Variants in GATC observed in about 807,000 individuals in gnomAD.
GATC encodes glutamyl-tRNA(Gln) amidotransferase subunit C, mitochondrial.
Under a neutral mutation model 14.4 loss-of-function variants are expected in GATC, and 11 were observed. That is an observed-to-expected ratio of 0.77 (90% CI 0.48 to 1.27). The LOEUF is 1.27. Among genes scored for constraint, GATC ranks in the 50% most tolerant of loss-of-function variants. The probability of loss-of-function intolerance (pLI) is 0.00; values close to 1 mark genes in which losing one functional copy is unlikely to be tolerated. For missense variants in GATC, 204 were observed against 183.0 expected, an observed-to-expected ratio of 1.11 and a Z score of -0.66; for synonymous variants, 76 against 79.3, an observed-to-expected ratio of 0.96 and a Z score of 0.22.
At chr12:120,456,971 C>A in intron 2 of GATC, 105 bp from the exon 3 acceptor site, 1 of 737,910 alleles carries the variant, frequency 1.4e-6, no homozygotes, top group South Asian at 1.6e-5. Flanking sequence ...TGCCCATTAA[C>A]TCAAGAATAT....
intron 2 of GATC, among the ~76,000 whole-genome samples, chr12:120,455,694 CTT>C (rs977712544): frequency 2.0e-5 from 3 of 151,020 alleles, no homozygotes; most frequent in South Asian, 2.1e-4. Flanking sequence ...ACTTAGTTCT[CTT>C]TTTTTTTGAG....
intron 2 of GATC, among the ~76,000 whole-genome samples, chr12:120,447,278 C>G (rs1877902366): frequency 6.6e-6 from 1 of 151,942 alleles, no homozygotes; most frequent in African/African-American, 2.4e-5. Flanking sequence ...GTGGTTTCAC[C>G]ATCTTGGCCA....
chr12:120,446,497 T>C lies in GATC; in HGVS notation c.17T>C (p.Val6Ala), dbSNP rs557491914. 6.2e-7 allele frequency: 1 copy of C among 1,607,466 alleles called. No homozygotes were observed. Among genetic ancestry groups the C allele is most frequent in the African/African-American group, 1.3e-5 (1 of 74,948 alleles). MWSRLVWLGLRAPLGG... is the reference protein window; with the variant it reads MWSRLAWLGLRAPLGG... ...AAGGAAGAAATGTGGTCGCGGTTGG[T>C]GTGGCTGGGCCTTCGGGCCCCTCTG... Residue 6 changes from valine (V) to alanine (A), a missense_variant, in exon 1 of 4, where the codon GTG becomes GCG. Physicochemically the swap from Val to Ala is moderately conservative, Grantham distance 64 (BLOSUM62 0). Coordinates refer to ENST00000551765, the MANE Select transcript of GATC (RefSeq NM_176818.3).
Position 120,460,671 on chromosome 12 carries a change from A to G in GATC, c.*712A>G, listed in dbSNP as rs1878310500. On this transcript the variant is annotated 3_prime_UTR_variant, in exon 4 of 4. Transcript: ENST00000551765. ...ATGATTATTAAATTGAGATGAGTCC[A>G]GGATAAAACTCAGATACCAAGGATA... The G allele has an allele frequency of 6.6e-6, 1 of 152,220 alleles. No individual in the cohort carries two copies. The highest frequency in any genetic ancestry group is 2.4e-5 in the African/African-American group (1 of 41,456). 9.4% of individuals were successfully genotyped at this position (152,220 alleles called of 1,614,324 possible). A position where few individuals can be genotyped will look rare whatever the true frequency, so the allele number is the denominator to read the frequency against.
intron 2 of GATC, among the ~76,000 whole-genome samples, chr12:120,452,167 G>C (rs538803190): frequency 6.6e-6 from 1 of 151,296 alleles, no homozygotes; most frequent in Non-Finnish European, 1.5e-5. Context: ...ATGAGCCACC[G>C]TGCCCGGCCT....
intron 2 of GATC, chr12:120,454,805 TTTAC>T (rs1437633406): frequency 5.4e-6 from 1 of 183,606 alleles, no homozygotes; most frequent in African/African-American, 2.4e-5. Flanking sequence ...TGATTTTTAT[TTTAC>T]TTTTGTTCTC....
At chr12:120,446,892 C>A in intron 2 of GATC, 63 bp downstream of exon 2, 1 of 1,471,246 alleles carries the variant, frequency 6.8e-7, no homozygotes. Context: ...TTTAATGTGA[C>A]GATTAGCGAA....
intron 2 of GATC, among the ~76,000 whole-genome samples, chr12:120,447,939 G>C (rs964757288): frequency 6.6e-6 from 1 of 151,838 alleles, no homozygotes; most frequent in African/African-American, 2.4e-5. Context: ...ATTTTTGATA[G>C]AGACGGGATT....
At position 120,463,720 on chromosome 12, in the gene GATC, T is replaced by TA; in HGVS notation, c.*3762dup. On this transcript the variant is annotated 3_prime_UTR_variant, in exon 4 of 4. Coordinates refer to ENST00000551765, the MANE Select transcript of GATC (RefSeq NM_176818.3). ...ACCAAACTGTGTAATGTGATACTAA[T>TA]ATGCAGAATAAAGCATATTAAAAAA... 1 of 448,358 alleles carries TA rather than the reference T, an allele frequency of 2.2e-6. No individual in the cohort carries two copies. The allele number at this position is 448,358 out of a possible 1,614,324, so 27.8% of individuals were successfully genotyped here.
chr12:120,455,473 T>C (rs1022343166), intron 2 of GATC, among the ~76,000 whole-genome samples: 5 of 151,598 alleles, frequency 3.3e-5, no homozygotes, highest in African/African-American at 1.2e-4. Flanking sequence ...CTGGCCTTTC[T>C]CCCCCACACC....
chr12:120,462,327 G>A lies in GATC; in HGVS notation c.*2368G>A. 1 of 601,904 alleles carries A rather than the reference G, an allele frequency of 1.7e-6. No homozygotes were observed. Among genetic ancestry groups the A allele is most frequent in the East Asian group, 3.2e-5 (1 of 31,148 alleles). The allele number at this position is 601,904 out of a possible 1,614,324, so 37.3% of individuals were successfully genotyped here. On this transcript the variant is annotated 3_prime_UTR_variant, in exon 4 of 4. Coordinates refer to ENST00000551765, the MANE Select transcript of GATC (RefSeq NM_176818.3). ...AAACCTTCATAACATTATGAGGTAG[G>A]TACTCTTACTATCCCATTTCAAGAA... is the stretch of plus-strand genomic sequence containing the variant.
At chr12:120,458,503 C>T (rs1286061882) in intron 3 of GATC, among the ~76,000 whole-genome samples, 1 of 152,236 alleles carries the variant, frequency 6.6e-6, no homozygotes, top group Admixed American at 6.5e-5. Context: ...TTTACAACAG[C>T]TGGTATAGAG....
intron 2 of GATC, 88 bp downstream of exon 2, chr12:120,446,917 GT>G: frequency 7.7e-7 from 1 of 1,292,542 alleles, no homozygotes; most frequent in Non-Finnish European, 1.1e-6. Context: ...TTTCCAGGGG[GT>G]TAAAGAGTGT....
intron 2 of GATC, among the ~76,000 whole-genome samples, chr12:120,451,019 C>A (rs1878027681): frequency 6.6e-6 from 1 of 150,854 alleles, no homozygotes; most frequent in Non-Finnish European, 1.5e-5. Context: ...TGGTGCATGC[C>A]TGTAATCCCG....
chr12:120,455,779 G>A (rs530761083), intron 2 of GATC, among the ~76,000 whole-genome samples: 19 of 152,050 alleles, frequency 1.2e-4, no homozygotes, highest in East Asian at 9.7e-4. Context: ...TCCGCCTCCC[G>A]GGTTCACGCC....
chr12:120,460,117 G>C lies in GATC; in HGVS notation c.*158G>C. 1 of 562,502 alleles carries C rather than the reference G, an allele frequency of 1.8e-6. No individual in the cohort carries two copies. Among genetic ancestry groups the C allele is most frequent in the Non-Finnish European group, 3.2e-6 (1 of 310,032 alleles). The allele number at this position is 562,502 out of a possible 1,614,324, so 34.8% of individuals were successfully genotyped here. ...ACAGATTCTTCTGAAGACAGAATTG[G>C]GAAAGATCTGGCCCCAACAAGGCAG... On this transcript the variant is annotated 3_prime_UTR_variant, in exon 4 of 4. Transcript: ENST00000551765.
rs560737629 is a variant in GATC at position 120,458,884 on chromosome 12, G to C, written c.359-1023G>C. Among the ~76,000 whole-genome samples, 3 of 152,228 alleles carry C rather than the reference G, an allele frequency of 2.0e-5. No homozygotes were observed. The South Asian group carries it at 6.2e-4, about 32-fold the overall frequency. On this transcript the variant is annotated intron_variant, in intron 3 of 3. Transcript: ENST00000551765. ...CTAAACTTTTTGTTTGTTTTGAGAC[G>C]GAGTCTTGCTCTGTTGCCCAAGCTG... is the stretch of plus-strand genomic sequence containing the variant.
chr12:120,462,298 C>G lies in GATC; in HGVS notation c.*2339C>G, dbSNP rs1878368018. ...CTCTGTGCCTGGCATGAGGCTATCT[C>G]ATTAAACCTTCATAACATTATGAGG... is the stretch of plus-strand genomic sequence containing the variant. On this transcript the variant is annotated 3_prime_UTR_variant, in exon 4 of 4. Transcript: ENST00000551765. 1.2e-6 allele frequency: 1 copy of G among 867,058 alleles called. No individual in the cohort carries two copies. 53.7% of individuals were successfully genotyped at this position (867,058 alleles called of 1,614,324 possible).
At chr12:120,459,078 T>C (rs957035659) in intron 3 of GATC, among the ~76,000 whole-genome samples, 3 of 152,052 alleles carry the variant, frequency 2.0e-5, no homozygotes, top group Non-Finnish European at 4.4e-5. Context: ...GCCAGGATGG[T>C]CTCTCTCTCC....
Sources: allele counts gnomAD v4.1 joint callset (sites outside exome capture counted in the v4.1 genomes callset), GRCh38; gene constraint gnomAD v4.1.1; transcripts MANE v1.5; gene names NCBI Gene and HGNC (gene_info 2026-07-23, HGNC 2026-07-21).